The following CEP128 variants were observed in gnomAD, a reference collection of about 807,000 sequenced individuals.
The protein encoded by CEP128 is centrosomal protein 128kDa.
In CEP128, 132 loss-of-function variants were observed where a neutral mutation model predicts 156.7. The observed-to-expected ratio is 0.84, with a 90% CI of 0.73 to 0.97. CEP128 has a LOEUF of 0.97. Among genes scored for constraint, CEP128 ranks in the 50% least tolerant of loss-of-function variants. The pLI is 0.00. For missense variants in CEP128, 1,252 were observed against 1,281.9 expected (o/e 0.98, Z 0.36); for synonymous variants, 469 against 448.9 (o/e 1.04, Z -0.57).
At chr14:80,825,962 C>T (rs1445074338) in intron 13 of CEP128, among the ~76,000 whole-genome samples, 1 of 151,906 alleles carries the variant, frequency 6.6e-6, no homozygotes, top group Non-Finnish European at 1.5e-5. Flanking sequence ...AAAAATTAGC[C>T]AGGCCTGGTG....
chr14:80,572,771 A>G (rs1891197637), intron 20 of CEP128, among the ~76,000 whole-genome samples: 1 of 152,212 alleles, frequency 6.6e-6, no homozygotes, highest in Non-Finnish European at 1.5e-5. Flanking sequence ...CTCAGAGCTC[A>G]GACTCTTGAC....
At chr14:80,885,965 G>A (rs1268155998) in intron 8 of CEP128, among the ~76,000 whole-genome samples, 1 of 152,012 alleles carries the variant, frequency 6.6e-6, no homozygotes, top group African/African-American at 2.4e-5. Flanking sequence ...AACACAGCAT[G>A]AGAACTTCGC....
chr14:80,506,681 C>T lies in CEP128; in HGVS notation c.3073-1661G>A, dbSNP rs768877318. Among the ~76,000 whole-genome samples the T allele has an allele frequency of 1.9e-4, 29 of 151,972 alleles. 1 individual carries two copies. Among genetic ancestry groups the T allele is most frequent in the Non-Finnish European group, 3.2e-4 (22 of 68,014 alleles). On this transcript the variant is annotated intron_variant, in intron 23 of 24. Transcript: ENST00000555265. ...AGCCATCCTTCTCTTTACCAAGTAC[C>T]GACTTTATATTTTATTTCTGTGTCA...
chr14:80,820,307 C>G (rs1375307048), intron 13 of CEP128, among the ~76,000 whole-genome samples: 2 of 152,142 alleles, frequency 1.3e-5, no homozygotes, highest in African/African-American at 4.8e-5. Context: ...TGATTGAATG[C>G]TAGACACTGT....
rs560520932 is a variant in CEP128 at position 80,906,645 on chromosome 14, T to G, written c.235-564A>C. Among the ~76,000 whole-genome samples the G allele has an allele frequency of 9.8e-5, 15 of 152,296 alleles. No individual in the cohort carries two copies. The South Asian group carries it at 2.5e-3, about 25-fold the overall frequency. On this transcript the variant is annotated intron_variant, in intron 4 of 24. Coordinates refer to ENST00000555265, the MANE Select transcript of CEP128 (RefSeq NM_152446.5). ...CAGACTGCCAGTACACACTAAGAAC[T>G]ACAGTTGTCCAAATGCTTTATTCAG...
chr14:80,494,703 A>G (rs188180280), downstream of CEP128, among the ~76,000 whole-genome samples: 1 of 152,290 alleles, frequency 6.6e-6, no homozygotes, highest in East Asian at 1.9e-4. Context: ...AATGAAGAAA[A>G]GTAGGTTCAT....
intron 15 of CEP128, 88 bp from the exon 16 acceptor site, chr14:80,778,134 C>T: frequency 9.2e-7 from 1 of 1,086,642 alleles, no homozygotes; most frequent in South Asian, 1.4e-5. Flanking sequence ...AGTGGAAAAA[C>T]ACTGCAAGAT....
intron 23 of CEP128, among the ~76,000 whole-genome samples, chr14:80,509,201 T>C (rs1269764878): frequency 6.6e-6 from 1 of 152,218 alleles, no homozygotes; most frequent in African/African-American, 2.4e-5. Flanking sequence ...GTTCTATTTT[T>C]AGTTTTTTGA....
chr14:80,797,350 G>A (rs773610114), intron 13 of CEP128, among the ~76,000 whole-genome samples: 1 of 152,174 alleles, frequency 6.6e-6, no homozygotes, highest in Admixed American at 6.5e-5. Context: ...CATTGATTGG[G>A]TATGTGAGTG....
intron 1 of CEP128, 61 bp from the exon 2 acceptor site, chr14:80,939,601 T>C (rs1886036119): frequency 6.6e-6 from 1 of 152,190 alleles, no homozygotes; most frequent in Non-Finnish European, 1.5e-5. Flanking sequence ...TTTTAAATAA[T>C]GAAATATGAA....
chr14:80,835,882 C>A (rs1484256291), intron 12 of CEP128, among the ~76,000 whole-genome samples: 1 of 152,170 alleles, frequency 6.6e-6, no homozygotes, highest in Admixed American at 6.5e-5. Context: ...AAGACTGGTA[C>A]ACACTTACAC....
At chr14:80,807,829 G>A (rs28650423) in intron 13 of CEP128, among the ~76,000 whole-genome samples, 750 of 152,156 alleles carry the variant, frequency 4.9e-3, no homozygotes, top group Middle Eastern at 0.034. Context: ...GCCCTGGAAC[G>A]ACAGTCCCAA....
chr14:80,576,430 G>T (rs981204073), intron 20 of CEP128, among the ~76,000 whole-genome samples: 4 of 152,060 alleles, frequency 2.6e-5, no homozygotes, highest in Non-Finnish European at 5.9e-5. Context: ...CAAAAATAAG[G>T]CAGACAATGT....
intron 19 of CEP128, among the ~76,000 whole-genome samples, chr14:80,687,765 G>A (rs925011311): frequency 7.9e-5 from 12 of 152,182 alleles, no homozygotes; most frequent in South Asian, 4.1e-4. Flanking sequence ...GTCAGAAGTC[G>A]AAAAGGTAAT....
chr14:80,668,889 A>T (rs749901677), intron 19 of CEP128, among the ~76,000 whole-genome samples: 3 of 152,268 alleles, frequency 2.0e-5, no homozygotes, highest in African/African-American at 7.2e-5. Flanking sequence ...TGGTTTTATA[A>T]AAGGAAGTTC....
At chr14:80,948,159 T>C (rs1886386598) in intron 2 of CEP128, among the ~76,000 whole-genome samples, 1 of 152,208 alleles carries the variant, frequency 6.6e-6, no homozygotes, top group African/African-American at 2.4e-5. Flanking sequence ...GTGGTGAAAT[T>C]CACTCTCTTT....
At chr14:80,773,364 T>C (rs1900618453) in intron 16 of CEP128, among the ~76,000 whole-genome samples, 1 of 152,170 alleles carries the variant, frequency 6.6e-6, no homozygotes, top group Non-Finnish European at 1.5e-5. Context: ...ATTGTATATA[T>C]TCTTTGATAA....
chr14:80,649,564 T>G (rs1175727274), intron 19 of CEP128, among the ~76,000 whole-genome samples: 1 of 152,144 alleles, frequency 6.6e-6, no homozygotes, highest in African/African-American at 2.4e-5. Flanking sequence ...GGGGATTACT[T>G]GCAGGACTTG....
intron 20 of CEP128, among the ~76,000 whole-genome samples, chr14:80,570,832 G>A (rs1891111035): frequency 1.3e-5 from 2 of 152,048 alleles, no homozygotes; most frequent in African/African-American, 4.8e-5. Context: ...CTTCCTTAAA[G>A]TATGCCAAAA....
Sources: allele counts gnomAD v4.1 joint callset (sites outside exome capture counted in the v4.1 genomes callset), GRCh38; gene constraint gnomAD v4.1.1; transcripts MANE v1.5; gene names NCBI Gene and HGNC (gene_info 2026-07-23, HGNC 2026-07-21).